MTA3: variants seen among roughly 807,000 people sequenced by gnomAD.
MTA3 encodes the protein metastasis associated 1 family member 3.
In MTA3, 34 loss-of-function variants were observed where a neutral mutation model predicts 83.5. The ratio of observed to expected loss-of-function variants is 0.41; its 90% CI spans 0.31 to 0.54. The LOEUF (loss-of-function observed/expected upper bound fraction) is 0.54. Among genes scored for constraint, MTA3 ranks in the 20% least tolerant of loss-of-function variants. MTA3 has a pLI of 0.33. For missense variants in MTA3, 761 were observed against 726.4 expected (o/e 1.05, Z -0.55); for synonymous variants, 303 against 252.7 (o/e 1.20, Z -1.89).
chr2:42,675,878 C>G (rs1012951617), intron 8 of MTA3, among the ~76,000 whole-genome samples: 17 of 152,194 alleles, frequency 1.1e-4, no homozygotes, highest in African/African-American at 4.1e-4. Context: ...AAAGAAACTT[C>G]TGTGTGTATC....
chr2:42,681,038 C>A (rs1158757031), intron 8 of MTA3, among the ~76,000 whole-genome samples: 1 of 152,124 alleles, frequency 6.6e-6, no homozygotes, highest in East Asian at 1.9e-4. Context: ...CTGTGTCTGG[C>A]CAGAAAATGC....
chr2:42,644,030 C>G (rs1687936772), intron 5 of MTA3, 97 bp from the exon 6 acceptor site: 2 of 673,278 alleles, frequency 3.0e-6, no homozygotes, highest in Non-Finnish European at 4.8e-6. Flanking sequence ...TATATACTCT[C>G]TGGGGTTTAT....
intron 4 of MTA3, among the ~76,000 whole-genome samples, chr2:42,620,022 A>G (rs1389280250): frequency 1.3e-5 from 2 of 152,128 alleles, no homozygotes; most frequent in African/African-American, 2.4e-5. Flanking sequence ...TGAAATTCAT[A>G]TAACATCAGA....
intron 3 of MTA3, among the ~76,000 whole-genome samples, chr2:42,598,128 A>G (rs1344051594): frequency 6.6e-6 from 1 of 151,784 alleles, no homozygotes; most frequent in African/African-American, 2.4e-5. Context: ...GCCGGAGTGC[A>G]GTGGCATGAT....
intron 8 of MTA3, among the ~76,000 whole-genome samples, chr2:42,666,304 C>T (rs1023776405): frequency 1.3e-5 from 2 of 152,262 alleles, no homozygotes; most frequent in East Asian, 3.9e-4. Flanking sequence ...CAAAGCGTAA[C>T]TGTTATTTTA....
intron 4 of MTA3, among the ~76,000 whole-genome samples, chr2:42,618,164 T>A (rs996561676): frequency 7.9e-5 from 12 of 151,698 alleles, no homozygotes; most frequent in African/African-American, 2.9e-4. Context: ...CCCAGGCTGG[T>A]CTTGAACACT....
chr2:42,580,652 A>G (rs1412228171), intron 3 of MTA3, among the ~76,000 whole-genome samples: 3 of 151,438 alleles, frequency 2.0e-5, no homozygotes, highest in African/African-American at 7.3e-5. Flanking sequence ...TTACAGTGCA[A>G]TGACATGATC....
intron 4 of MTA3, among the ~76,000 whole-genome samples, chr2:42,617,960 A>G (rs1489434016): frequency 6.6e-6 from 1 of 151,878 alleles, no homozygotes; most frequent in East Asian, 1.9e-4. Context: ...AAAAATTTAA[A>G]TAGAGATGTG....
intron 16 of MTA3, among the ~76,000 whole-genome samples, chr2:42,736,347 C>T (rs969228176): frequency 1.3e-5 from 2 of 152,198 alleles, no homozygotes; most frequent in African/African-American, 2.4e-5. Flanking sequence ...ACAAGCACCC[C>T]TGTGGCGACT....
chr2:42,520,355 C>T (rs1030520855), intron 2 of MTA3, among the ~76,000 whole-genome samples: 1 of 152,134 alleles, frequency 6.6e-6, no homozygotes, highest in Admixed American at 6.6e-5. Context: ...CAGAGCAAAC[C>T]AATGACCCTC....
intron 2 of MTA3, among the ~76,000 whole-genome samples, chr2:42,559,575 C>G (rs555520395): frequency 3.3e-5 from 5 of 150,126 alleles, no homozygotes; most frequent in African/African-American, 1.2e-4. Context: ...GCTGCTGGCT[C>G]TGCCTTAAAA....
intron 16 of MTA3, among the ~76,000 whole-genome samples, chr2:42,740,543 A>G (rs988403039): frequency 6.6e-6 from 1 of 152,268 alleles, no homozygotes; most frequent in African/African-American, 2.4e-5. Context: ...GAATCCATTC[A>G]TTCATCCATC....
In MTA3 at chr2:42,708,176, G is replaced by A. The variant is rs191732429; in HGVS notation, c.1302+122G>A. The A allele has an allele frequency of 6.1e-5, 60 of 990,102 alleles. No homozygotes were observed. In the East Asian group the frequency reaches 1.4e-3, roughly 24 times the overall value. The allele number at this position is 990,102 out of a possible 1,614,324, so 61.3% of individuals were successfully genotyped here. ...AAGAAAGCTACCTTTATAGCTAAACGTAGCACTACAATATTCAGGGTAGGT... is the reference window on the plus strand; with the variant it reads ...AAGAAAGCTACCTTTATAGCTAAACATAGCACTACAATATTCAGGGTAGGT... On this transcript the variant is annotated intron_variant, in intron 13 of 16. Coordinates refer to ENST00000405094, the MANE Select transcript of MTA3 (RefSeq NM_001330442.2).
chr2:42,678,629 C>G (rs1691596092), intron 8 of MTA3, among the ~76,000 whole-genome samples: 1 of 151,996 alleles, frequency 6.6e-6, no homozygotes, highest in Admixed American at 6.6e-5. Context: ...GCACCTGGCC[C>G]CAATGATTGA....
At chr2:42,661,079 T>A (rs1689651629) in intron 8 of MTA3, among the ~76,000 whole-genome samples, 1 of 152,228 alleles carries the variant, frequency 6.6e-6, no homozygotes, top group Non-Finnish European at 1.5e-5. Context: ...AGACTAGAAT[T>A]GTTCATAGAA....
intron 2 of MTA3, among the ~76,000 whole-genome samples, chr2:42,512,136 CTT>C (rs1204506266): frequency 6.8e-6 from 1 of 146,414 alleles, no homozygotes; most frequent in Non-Finnish European, 1.5e-5. Context: ...TTTCTTTTTC[CTT>C]TTTTTTTTGT....
Position 42,609,533 on chromosome 2 carries a change from G to A in MTA3, c.266G>A (p.Arg89Lys), listed in dbSNP as rs1430091774. The A allele has an allele frequency of 6.2e-7, 1 of 1,613,826 alleles. No homozygotes were observed. The highest frequency in any genetic ancestry group is 8.5e-7 in the Non-Finnish European group (1 of 1,179,812). ...TDKQKHQLKH[R>K]ELFLSRQYES... ...AAGCAGAAACATCAGTTGAAACATA[G>A]GGAACTCTTTTTGTCACGCCAGTAT... Residue 89 changes from arginine (R) to lysine (K), a missense_variant, in exon 4 of 17, where the codon AGG (arginine) becomes AAG (lysine). Transcript: ENST00000405094.
At chr2:42,597,212 A>G (rs1681904957) in intron 3 of MTA3, among the ~76,000 whole-genome samples, 1 of 151,730 alleles carries the variant, frequency 6.6e-6, no homozygotes, top group African/African-American at 2.4e-5. Flanking sequence ...ACACCTGGCC[A>G]TCTTTTTAAA....
intron 2 of MTA3, among the ~76,000 whole-genome samples, chr2:42,505,176 G>A (rs934115718): frequency 2.6e-5 from 4 of 152,018 alleles, no homozygotes; most frequent in African/African-American, 9.7e-5. Context: ...GGTGGATCAC[G>A]AGGTCAGGAG....
Sources: allele counts gnomAD v4.1 joint callset (sites outside exome capture counted in the v4.1 genomes callset), GRCh38; gene constraint gnomAD v4.1.1; transcripts MANE v1.5; gene names NCBI Gene and HGNC (gene_info 2026-07-23, HGNC 2026-07-21).